FRMD5: variants seen among roughly 807,000 people sequenced by gnomAD.
The protein encoded by FRMD5 is FERM domain-containing protein 5.
In FRMD5, 20 loss-of-function variants were observed where a neutral mutation model predicts 69.0. That is an observed-to-expected ratio of 0.29 (90% confidence interval 0.20 to 0.42). The LOEUF (loss-of-function observed/expected upper bound fraction) is 0.42, where lower values mean the gene tolerates loss of function less well. Ranked by LOEUF, FRMD5 falls within the 10% of genes least tolerant of loss-of-function variation. The pLI is 1.00. For missense variants in FRMD5, 595 were observed against 708.6 expected (o/e 0.84, Z 1.82); for synonymous variants, 271 against 260.1 (o/e 1.04, Z -0.40).
intron 1 of FRMD5, among the ~76,000 whole-genome samples, chr15:43,965,571 A>G (rs1218057474): frequency 3.3e-5 from 5 of 151,428 alleles, no homozygotes; most frequent in Admixed American, 6.6e-5. Flanking sequence ...AATCTTTTAA[A>G]AAGTCTTTTT....
chr15:43,877,523 C>T (rs1352432265), intron 13 of FRMD5, among the ~76,000 whole-genome samples: 1 of 152,190 alleles, frequency 6.6e-6, no homozygotes, highest in Non-Finnish European at 1.5e-5. Flanking sequence ...TAAGGATTCT[C>T]CAGAGGAATG....
chr15:44,100,142 C>T (rs2076617008), intron 1 of FRMD5, among the ~76,000 whole-genome samples: 1 of 151,234 alleles, frequency 6.6e-6, no homozygotes, highest in Non-Finnish European at 1.5e-5. Context: ...CAGCTTCCAC[C>T]TCCCGGGTTC....
intron 1 of FRMD5, among the ~76,000 whole-genome samples, chr15:43,994,557 C>A (rs1285549256): frequency 2.0e-5 from 3 of 152,094 alleles, no homozygotes; most frequent in African/African-American, 7.2e-5. Flanking sequence ...CAGCCTCCTG[C>A]GTAGCTGGTA....
intron 1 of FRMD5, among the ~76,000 whole-genome samples, chr15:44,055,903 A>G (rs1437434209): frequency 2.6e-5 from 4 of 152,068 alleles, no homozygotes; most frequent in East Asian, 3.8e-4. Flanking sequence ...ATGATTATAC[A>G]TCTCCTTTTC....
In FRMD5 at chr15:43,898,000, C is replaced by T. The variant is rs574258988; in HGVS notation, c.639+4175G>A. On this transcript the variant is annotated intron_variant, in intron 7 of 13. Coordinates refer to ENST00000417257, the MANE Select transcript of FRMD5 (RefSeq NM_032892.5). ...TGTAAGTTTCCTGAGGCCTCCCTAG[C>T]CATTTGGAACTATGAGTCAATTAAA... Among the ~76,000 whole-genome samples the T allele has an allele frequency of 2.0e-5, 3 of 152,296 alleles. No homozygotes were observed. The East Asian group carries it at 5.8e-4, about 29-fold the overall frequency.
chr15:44,034,663 G>C (rs1349514127), intron 1 of FRMD5, among the ~76,000 whole-genome samples: 1 of 152,174 alleles, frequency 6.6e-6, no homozygotes, highest in East Asian at 1.9e-4. Flanking sequence ...AAGACGTAAG[G>C]CTTGTCTAAG....
Position 43,943,624 on chromosome 15 carries a change from C to T in FRMD5, c.103-19315G>A, listed in dbSNP as rs193095975. Among the ~76,000 whole-genome samples, 181 of 152,232 alleles carry T rather than the reference C, an allele frequency of 1.2e-3. 1 individual carries two copies. The highest frequency in any genetic ancestry group is 4.2e-3 in the African/African-American group (175 of 41,552). ...CAGTTATTGGTTCCTTATAAGAAGA[C>T]CATGAAGAGACATAGACACACACAG... is the stretch of plus-strand genomic sequence containing the variant. On this transcript the variant is annotated intron_variant, in intron 1 of 13. Transcript: ENST00000417257.
chr15:44,116,840 G>A (rs980922656), intron 1 of FRMD5, among the ~76,000 whole-genome samples: 1 of 152,134 alleles, frequency 6.6e-6, no homozygotes, highest in Non-Finnish European at 1.5e-5. Context: ...CCAGCACTTA[G>A]GGAGGCTGAG....
At chr15:44,183,251 G>C (rs2078041000) in intron 1 of FRMD5, among the ~76,000 whole-genome samples, 2 of 123,168 alleles carry the variant, frequency 1.6e-5, no homozygotes, top group South Asian at 4.8e-4. Context: ...ATGCTGGAAA[G>C]GGGGGTAGCA....
chr15:43,876,224 AC>A (rs1166116940), intron 13 of FRMD5: 4 of 1,578,604 alleles, frequency 2.5e-6, no homozygotes, highest in Middle Eastern at 2.1e-4. Flanking sequence ...TTCCAGAACC[AC>A]TTTTTCCTTT....
chr15:43,879,945 T>C, intron 13 of FRMD5: 1 of 288,438 alleles, frequency 3.5e-6, no homozygotes, highest in Non-Finnish European at 6.4e-6. Context: ...TCAGAAGCAC[T>C]TAGAGCCATA....
intron 6 of FRMD5, among the ~76,000 whole-genome samples, chr15:43,902,954 A>T (rs1233897872): frequency 1.3e-5 from 2 of 152,194 alleles, no homozygotes; most frequent in Non-Finnish European, 2.9e-5. Flanking sequence ...TAGGGTGAGG[A>T]GAGGCAGGAG....
At chr15:44,144,358 T>C (rs2077322537) in intron 1 of FRMD5, among the ~76,000 whole-genome samples, 1 of 152,188 alleles carries the variant, frequency 6.6e-6, no homozygotes, top group Admixed American at 6.5e-5. Context: ...GTCTGAATGT[T>C]CCCTCTTATC....
Position 44,072,790 on chromosome 15 carries a change from AAAAC to A in FRMD5, c.102+122159_102+122162del, listed in dbSNP as rs1893596811. Among the ~76,000 whole-genome samples the A allele has an allele frequency of 2.6e-5, 4 of 152,310 alleles. No homozygotes were observed. The South Asian group carries it at 8.3e-4, about 32-fold the overall frequency. On this transcript the variant is annotated intron_variant, in intron 1 of 13. Coordinates refer to ENST00000417257, the MANE Select transcript of FRMD5 (RefSeq NM_032892.5). The stretch of plus-strand genomic sequence containing the variant: ...CCCAAATTTGCGCTAGCAATAAAAA[AAAAC>A]AAACTGTGTTTTCCATTATCTATGT...
At chr15:44,078,495 T>C (rs1893863394) in intron 1 of FRMD5, among the ~76,000 whole-genome samples, 1 of 152,052 alleles carries the variant, frequency 6.6e-6, no homozygotes, top group Admixed American at 6.6e-5. Context: ...GAAAAGCAAA[T>C]TGATGTCTCA....
intron 1 of FRMD5, among the ~76,000 whole-genome samples, chr15:44,150,545 C>T (rs951333601): frequency 1.1e-4 from 17 of 151,584 alleles, no homozygotes; most frequent in African/African-American, 3.4e-4. Context: ...TTTGAGAGGC[C>T]GAAGCAGGAA....
intron 1 of FRMD5, among the ~76,000 whole-genome samples, chr15:44,061,689 C>T (rs781278711): frequency 1.3e-5 from 2 of 152,142 alleles, no homozygotes; most frequent in African/African-American, 2.4e-5. Flanking sequence ...TATTATTACT[C>T]GTTGCATTAA....
intron 13 of FRMD5, among the ~76,000 whole-genome samples, chr15:43,877,413 AGT>A (rs1291521550): frequency 6.6e-6 from 1 of 152,224 alleles, no homozygotes; most frequent in African/African-American, 2.4e-5. Flanking sequence ...TTTCAGAAGC[AGT>A]GTGTCCCATC....
chr15:44,167,738 T>C (rs1189397445), intron 1 of FRMD5, among the ~76,000 whole-genome samples: 1 of 152,110 alleles, frequency 6.6e-6, no homozygotes, highest in Non-Finnish European at 1.5e-5. Flanking sequence ...TACAGGCATG[T>C]GCCATGATGC....
Sources: allele counts gnomAD v4.1 joint callset (sites outside exome capture counted in the v4.1 genomes callset), GRCh38; gene constraint gnomAD v4.1.1; transcripts MANE v1.5; gene names NCBI Gene and HGNC (gene_info 2026-07-23, HGNC 2026-07-21).